CFAP221: variants seen among roughly 807,000 people sequenced by gnomAD.
CFAP221 encodes cilia- and flagella-associated protein 221.
CFAP221 carries 97 observed loss-of-function variants against 113.1 expected under a neutral mutation model. That is an observed-to-expected ratio of 0.86 (90% CI 0.73 to 1.02). The LOEUF (loss-of-function observed/expected upper bound fraction) is 1.02, where lower values mean the gene tolerates loss of function less well. CFAP221 is among the 50% of genes least tolerant of loss of function. The pLI, the probability that CFAP221 is intolerant of heterozygous loss-of-function variation, is 0.00. For synonymous variants in CFAP221, 331 were observed against 354.4 expected (o/e 0.93, Z 0.74); for missense variants, 1,025 against 1,013.4 (o/e 1.01, Z -0.16).
intron 6 of CFAP221, among the ~76,000 whole-genome samples, chr2:119,565,915 C>A (rs75580062): frequency 6.6e-6 from 1 of 152,164 alleles, no homozygotes; most frequent in Non-Finnish European, 1.5e-5. Context: ...TTTGGGTGGG[C>A]TGTTTATTCA....
intron 19 of CFAP221, among the ~76,000 whole-genome samples, chr2:119,636,196 T>C (rs940621516): frequency 1.1e-4 from 16 of 152,312 alleles, no homozygotes; most frequent in African/African-American, 3.6e-4. Context: ...GAAACATATT[T>C]ACATAGCTGA....
At chr2:119,611,822 A>G (rs1164535122) in intron 13 of CFAP221, 80 bp downstream of exon 13, 4 of 1,029,010 alleles carry the variant, frequency 3.9e-6, no homozygotes, top group East Asian at 2.5e-5. Context: ...AAACAATTTT[A>G]TAGAAATCCT....
Position 119,639,761 on chromosome 2 carries a change from T to C in CFAP221, c.2134-20T>C, listed in dbSNP as rs575951132. On this transcript the variant is annotated intron_variant, in intron 20 of 23. Coordinates refer to ENST00000413369, the MANE Select transcript of CFAP221 (RefSeq NM_001271049.2). ...TACCTCACCAAACAGTTGCTTCCCATGTGCTGACTTTCCTTACAGGACATT... is the reference window on the plus strand; with the variant it reads ...TACCTCACCAAACAGTTGCTTCCCACGTGCTGACTTTCCTTACAGGACATT... 56 of 1,596,362 alleles carry C rather than the reference T, an allele frequency of 3.5e-5. No individual in the cohort carries two copies. In the South Asian group the frequency reaches 4.4e-4, roughly 13 times the overall value.
intron 1 of CFAP221, chr2:119,545,354 A>C (rs1008322603): frequency 6.6e-6 from 1 of 152,276 alleles, no homozygotes; most frequent in Non-Finnish European, 1.5e-5. Context: ...TATTAACACC[A>C]AATGAGTAAT....
intron 6 of CFAP221, among the ~76,000 whole-genome samples, chr2:119,569,232 C>T (rs1310135785): frequency 6.6e-6 from 1 of 152,024 alleles, no homozygotes; most frequent in African/African-American, 2.4e-5. Context: ...CTCCTGGGTT[C>T]ACACCATTCT....
chr2:119,608,277 G>T (rs1684909523), intron 11 of CFAP221, among the ~76,000 whole-genome samples: 1 of 152,182 alleles, frequency 6.6e-6, no homozygotes, highest in Admixed American at 6.5e-5. Flanking sequence ...TGAGCATCCA[G>T]ATGTTGTTAT....
chr2:119,558,060 G>A (rs1680949528), intron 3 of CFAP221, among the ~76,000 whole-genome samples: 1 of 151,652 alleles, frequency 6.6e-6, no homozygotes, highest in African/African-American at 2.4e-5. Flanking sequence ...ATGCACCCTT[G>A]TTTGTTGCAG....
chr2:119,606,846 C>T (rs1381289483), intron 11 of CFAP221, among the ~76,000 whole-genome samples: 4 of 152,102 alleles, frequency 2.6e-5, no homozygotes, highest in East Asian at 1.9e-4. Context: ...CACTTGACCT[C>T]GGTTCACTAA....
At chr2:119,619,775 G>A (rs1685776658) in intron 14 of CFAP221, among the ~76,000 whole-genome samples, 1 of 152,088 alleles carries the variant, frequency 6.6e-6, no homozygotes, top group Admixed American at 6.6e-5. Context: ...CAGAAGGTGG[G>A]TAATAACAAA....
At chr2:119,633,012 A>G (rs1315322519) in intron 19 of CFAP221, among the ~76,000 whole-genome samples, 11 of 152,112 alleles carry the variant, frequency 7.2e-5, no homozygotes, top group Non-Finnish European at 1.6e-4. Context: ...GGAGAAATAA[A>G]CAGATTAATG....
chr2:119,561,307 T>A (rs945810728), intron 5 of CFAP221, among the ~76,000 whole-genome samples: 29 of 151,946 alleles, frequency 1.9e-4, no homozygotes, highest in Middle Eastern at 3.4e-3. Flanking sequence ...AATAAAAAAA[T>A]AAAAACAAAA....
intron 19 of CFAP221, among the ~76,000 whole-genome samples, chr2:119,634,915 C>G (rs1222115536): frequency 2.6e-5 from 4 of 152,226 alleles, no homozygotes. Context: ...CACTTATAGC[C>G]AATAATGCAC....
rs753441574 is a variant in CFAP221, at chr2:119,604,912, T to A, written c.949T>A (p.Leu317Ile). ...CCAGAACCTCAGATTTCCAGTAGATTTATCGAATCCATTTGCTGTGGCAAC... is the reference window on the plus strand; with the variant it reads ...CCAGAACCTCAGATTTCCAGTAGATATATCGAATCCATTTGCTGTGGCAAC... ...EYQNLRFPVD[L>I]SNPFAVATVL... The change falls in exon 10 of 24, where the codon TTA becomes ATA. Residue 317 changes from leucine to isoleucine, a missense_variant. Physicochemically the swap from Leu to Ile is conservative, Grantham distance 5. Transcript: ENST00000413369. The A allele has an allele frequency of 6.2e-7, 1 of 1,614,074 alleles. No individual in the cohort carries two copies. The highest frequency in any genetic ancestry group is 8.5e-7 in the Non-Finnish European group (1 of 1,180,014).
At chr2:119,611,523 T>C in intron 12 of CFAP221, 130 bp from the exon 13 acceptor site, 1 of 690,314 alleles carries the variant, frequency 1.4e-6, no homozygotes, top group Non-Finnish European at 2.5e-6. Context: ...CCACTTGTGT[T>C]TCACCACTTC....
intron 6 of CFAP221, among the ~76,000 whole-genome samples, chr2:119,573,839 T>C (rs1339773542): frequency 6.6e-6 from 1 of 152,252 alleles, no homozygotes; most frequent in Non-Finnish European, 1.5e-5. Context: ...GTCTCTTTTA[T>C]GAATTTTAGC....
At chr2:119,595,213 C>G (rs1229495411) in intron 7 of CFAP221, among the ~76,000 whole-genome samples, 1 of 152,238 alleles carries the variant, frequency 6.6e-6, no homozygotes, top group Non-Finnish European at 1.5e-5. Context: ...TGTCCCTGCT[C>G]AAGGCCCAGG....
At chr2:119,600,121 T>C (rs1684264050) in intron 7 of CFAP221, among the ~76,000 whole-genome samples, 1 of 152,180 alleles carries the variant, frequency 6.6e-6, no homozygotes, top group African/African-American at 2.4e-5. Flanking sequence ...GTCAGAACAT[T>C]CGTCCTCCAG....
intron 2 of CFAP221, among the ~76,000 whole-genome samples, chr2:119,547,812 A>T (rs1680156896): frequency 6.6e-6 from 1 of 152,162 alleles, no homozygotes. Context: ...AATTATGATG[A>T]TCAAAGGGAT....
At chr2:119,634,922 G>A (rs1245916061) in intron 19 of CFAP221, among the ~76,000 whole-genome samples, 4 of 152,130 alleles carry the variant, frequency 2.6e-5, no homozygotes, top group African/African-American at 9.7e-5. Context: ...AGCCAATAAT[G>A]CACATTTAAA....
Sources: gnomAD v4.1 joint callset for allele counts (sites outside exome capture counted in the v4.1 genomes callset) on GRCh38, gnomAD v4.1.1 for gene constraint, MANE v1.5 for transcripts, NCBI Gene and HGNC (gene_info 2026-07-23, HGNC 2026-07-21) for gene names.